The following ANXA8 variants were observed in gnomAD, a reference collection of about 807,000 sequenced individuals.
ANXA8 encodes VAC-beta.
In ANXA8, 9 loss-of-function variants were observed where a neutral mutation model predicts 26.8. That is an observed-to-expected ratio of 0.34 (90% confidence interval 0.20 to 0.59). ANXA8 has a LOEUF of 0.59. Among genes scored for constraint, ANXA8 ranks in the 20% least tolerant of loss-of-function variants. The pLI is 0.84. For missense variants in ANXA8, 83 were observed against 238.5 expected (o/e 0.35, Z 4.29); for synonymous variants, 39 against 94.8 (o/e 0.41, Z 3.42).
At chr10:47,485,548 A>G (rs1840021945), upstream of ANXA8, among the ~76,000 whole-genome samples, 1 of 152,138 alleles carries the variant, frequency 6.6e-6, no homozygotes, top group African/African-American at 2.4e-5. Flanking sequence ...ATCCAGAAGT[A>G]TGGTGAGCAA....
the ANXA8 span, among the ~76,000 whole-genome samples, chr10:47,657,596 T>C: frequency 3.3e-5 from 5 of 151,456 alleles, no homozygotes; most frequent in African/African-American, 1.2e-4. Flanking sequence ...AGACAGTTCA[T>C]ACAGTATCTG....
At chr10:47,956,662 C>T in the ANXA8 span, among the ~76,000 whole-genome samples, 1 of 150,924 alleles carries the variant, frequency 6.6e-6, no homozygotes, top group East Asian at 2.0e-4. Flanking sequence ...CTAAGTCTTC[C>T]TCTGTTGCTC....
At chr10:47,740,246 C>T in the ANXA8 span, among the ~76,000 whole-genome samples, 1 of 144,572 alleles carries the variant, frequency 6.9e-6, no homozygotes, top group South Asian at 2.2e-4. Context: ...TGCCCCTTCT[C>T]TAGGTCACGT....
the ANXA8 span, among the ~76,000 whole-genome samples, chr10:47,727,154 C>T: frequency 6.6e-6 from 1 of 152,294 alleles, no homozygotes; most frequent in African/African-American, 2.4e-5. Flanking sequence ...ACATGAACAG[C>T]GGGAGGCACC....
chr10:47,777,184 C>T, the ANXA8 span, among the ~76,000 whole-genome samples: 2,016 of 151,604 alleles, frequency 0.013, 39 homozygotes, highest in African/African-American at 0.045. Flanking sequence ...CAGCCTGTCC[C>T]ATTGGCCAGT....
At chr10:47,546,447 G>T in the ANXA8 span, among the ~76,000 whole-genome samples, 7 of 119,624 alleles carry the variant, frequency 5.9e-5, no homozygotes, top group South Asian at 1.9e-3. Flanking sequence ...CTGTTGCCCA[G>T]GCTGGAGTGC....
At chr10:47,525,659 T>C in the ANXA8 span, among the ~76,000 whole-genome samples, 1 of 134,682 alleles carries the variant, frequency 7.4e-6, no homozygotes, top group East Asian at 3.0e-4. Context: ...TTATTATTAT[T>C]TTGAGACGAA....
At chr10:47,521,232 C>T in the ANXA8 span, among the ~76,000 whole-genome samples, 1 of 133,844 alleles carries the variant, frequency 7.5e-6, no homozygotes, top group African/African-American at 3.0e-5. Flanking sequence ...CATTTTTGGG[C>T]TCTCATCCAA....
At chr10:47,553,639 G>A in the ANXA8 span, 3 of 159,648 alleles carry the variant, frequency 1.9e-5, no homozygotes, top group Admixed American at 6.7e-5. Flanking sequence ...GTCAACGGCC[G>A]AGTGCTGGCG....
the ANXA8 span, among the ~76,000 whole-genome samples, chr10:47,511,370 G>A: frequency 2.1e-5 from 3 of 140,992 alleles, 1 homozygote; most frequent in Non-Finnish European, 4.6e-5. Flanking sequence ...ATTATTTCAG[G>A]TGATATTGTT....
At chr10:47,694,736 A>G in the ANXA8 span, among the ~76,000 whole-genome samples, 4 of 152,002 alleles carry the variant, frequency 2.6e-5, no homozygotes, top group Admixed American at 6.5e-5. Flanking sequence ...AAAAATTTGA[A>G]GTAACAGATG....
At chr10:47,899,918 G>A in the ANXA8 span, among the ~76,000 whole-genome samples, 2 of 150,512 alleles carry the variant, frequency 1.3e-5, no homozygotes, top group African/African-American at 4.9e-5. Context: ...TTTTTATTTA[G>A]TCTATTGATC....
the ANXA8 span, among the ~76,000 whole-genome samples, chr10:47,652,608 T>A: frequency 2.0e-5 from 3 of 149,020 alleles, no homozygotes; most frequent in Admixed American, 6.6e-5. Context: ...AAAAAAAAGA[T>A]AAATTATGGT....
At chr10:47,674,380 C>G in the ANXA8 span, among the ~76,000 whole-genome samples, 1 of 151,254 alleles carries the variant, frequency 6.6e-6, no homozygotes, top group East Asian at 1.9e-4. Flanking sequence ...AATCCTCCCA[C>G]TTCAGCCTCC....
chr10:47,966,123 C>T, the ANXA8 span, among the ~76,000 whole-genome samples: 101,484 of 123,938 alleles, frequency 0.82, 42,563 homozygotes, highest in African/African-American at 0.86. Context: ...CCATCTAGGG[C>T]AAAGGAGTAT....
the ANXA8 span, among the ~76,000 whole-genome samples, chr10:47,733,153 CTTTCTTTCTTTCTTTCTT>C: frequency 4.6e-5 from 4 of 86,938 alleles, no homozygotes; most frequent in African/African-American, 1.6e-4. Flanking sequence ...ATCTTTCTTT[CTTTCTTTCTTTCTTTCTT>C]TCTTTCTTTC....
chr10:47,769,623 T>C, the ANXA8 span, among the ~76,000 whole-genome samples: 1 of 151,580 alleles, frequency 6.6e-6, no homozygotes, highest in Non-Finnish European at 1.5e-5. Flanking sequence ...GATCCCAAGA[T>C]CTTGAACGAG....
chr10:47,939,243 C>G, the ANXA8 span, among the ~76,000 whole-genome samples: 3 of 137,460 alleles, frequency 2.2e-5, 1 homozygote, highest in Non-Finnish European at 4.6e-5. Context: ...GCGGAGGTTG[C>G]AGTGAGCCGA....
chr10:47,698,091 C>T, the ANXA8 span, among the ~76,000 whole-genome samples: 1 of 151,366 alleles, frequency 6.6e-6, no homozygotes, highest in Non-Finnish European at 1.5e-5. Context: ...GGAAGAGGGA[C>T]AATCTACTGC....
Sources: allele counts gnomAD v4.1 joint callset (sites outside exome capture counted in the v4.1 genomes callset), GRCh38; gene constraint gnomAD v4.1.1; transcripts MANE v1.5; gene names NCBI Gene and HGNC (gene_info 2026-07-23, HGNC 2026-07-21).